Variants in ADAMTS13 observed in about 807,000 individuals in gnomAD.
ADAMTS13 encodes the protein A disintegrin and metalloproteinase with thrombospondin motifs 13.
A neutral mutation model predicts 155.1 loss-of-function variants in ADAMTS13; 110 were observed. That is an observed-to-expected ratio of 0.71 (90% CI 0.61 to 0.83). The LOEUF is 0.83. Among genes scored for constraint, ADAMTS13 ranks in the 40% least tolerant of loss-of-function variants. The pLI is 0.00. For synonymous variants in ADAMTS13, 758 were observed against 756.4 expected, an observed-to-expected ratio of 1.00 and a Z score of -0.03; for missense variants, 1,707 against 1,891.7, an observed-to-expected ratio of 0.90 and a Z score of 1.81.
Position 133,430,106 on chromosome 9 carries a change from G to A in ADAMTS13, c.987+5G>A. 1.3e-6 allele frequency: 2 copies of A among 1,576,938 alleles called. No homozygotes were observed. The highest frequency in any genetic ancestry group is 1.1e-5 in the South Asian group (1 of 87,860). On this transcript the variant is annotated splice_donor_5th_base_variant and intron_variant, in intron 8 of 28. Coordinates refer to ENST00000355699, the MANE Select transcript of ADAMTS13 (RefSeq NM_139027.6). The stretch of plus-strand genomic sequence containing the variant: ...ACCTTCGCCAGGGAGCACCTGGTGA[G>A]TCTGCCGGCGGTGGCCTGGGATTGG...
chr9:133,442,361 G>A (rs781882161), intron 16 of ADAMTS13, 38 bp from the exon 17 acceptor site: 1 of 1,613,696 alleles, frequency 6.2e-7, no homozygotes, highest in Non-Finnish European at 8.5e-7. Context: ...GACCCTCAGG[G>A]AACCCACTGG....
chr9:133,432,542 G>A (rs1554787740), intron 8 of ADAMTS13, 46 bp from the exon 9 acceptor site: 4 of 1,497,372 alleles, frequency 2.7e-6, no homozygotes, highest in South Asian at 1.2e-5. Flanking sequence ...GGCCTGGAAG[G>A]CCCTGGTGGC....
chr9:133,419,762 G>A (rs1371803162), upstream of ADAMTS13, among the ~76,000 whole-genome samples: 2 of 152,124 alleles, frequency 1.3e-5, no homozygotes, highest in South Asian at 2.1e-4. Flanking sequence ...GTTTTGAGAC[G>A]GAGTCTTGCT....
rs781937390 is a variant in ADAMTS13 at position 133,438,284 on chromosome 9, A to G, written c.1623A>G (p.Val541=). 14 of 1,614,090 alleles carry G rather than the reference A, an allele frequency of 8.7e-6. No individual in the cohort carries two copies. Among genetic ancestry groups the G allele is most frequent in the Non-Finnish European group, 1.2e-5 (14 of 1,180,004 alleles). The change falls in exon 14 of 29, where the codon GTA becomes GTG. Residue 541 remains valine, a synonymous_variant. Transcript: ENST00000355699. The part of the protein sequence containing the change: ...GCDGRMDSQQ[V]WDRCQVCGGD... ...ATGGTAGGATGGACTCCCAGCAGGT[A>G]TGGGACAGGTGCCAGGTGTGTGGTG...
At chr9:133,423,709 C>A (rs1300855978) in intron 2 of ADAMTS13, among the ~76,000 whole-genome samples, 4 of 152,238 alleles carry the variant, frequency 2.6e-5, no homozygotes, top group Non-Finnish European at 4.4e-5. Context: ...TCAGGGGCAA[C>A]AGGAGGGCAA....
rs587607449 is a variant in ADAMTS13, at chr9:133,442,255, G to C, written c.1969-144G>C. On this transcript the variant is annotated intron_variant, in intron 16 of 28. Coordinates refer to ENST00000355699, the MANE Select transcript of ADAMTS13 (RefSeq NM_139027.6). ...CAAAGTTTTGGGTTTACAGGCATGA[G>C]CTACCGTGCCTGGCCAGTGATTGCT... 8 of 1,308,940 alleles carry C rather than the reference G, an allele frequency of 6.1e-6. No homozygotes were observed. The South Asian group carries it at 9.8e-5, about 16-fold the overall frequency. The allele number at this position is 1,308,940 out of a possible 1,614,324, so 81.1% of individuals were successfully genotyped here. A position where few individuals can be genotyped will look rare whatever the true frequency, so the allele number is the denominator to read the frequency against.
chr9:133,443,038 A>T (rs1297763814), intron 18 of ADAMTS13, among the ~76,000 whole-genome samples: 3 of 152,178 alleles, frequency 2.0e-5, no homozygotes, highest in African/African-American at 7.2e-5. Context: ...TCAGGTACTC[A>T]TGGTGAGATG....
At position 133,459,280 on chromosome 9, in the gene ADAMTS13, C is replaced by A. The variant is rs1554797255; in HGVS notation, c.*100C>A. The A allele has an allele frequency of 8.3e-7, 1 of 1,202,582 alleles. No homozygotes were observed. Among genetic ancestry groups the A allele is most frequent in the Non-Finnish European group, 1.2e-6 (1 of 835,206 alleles). 74.5% of individuals were successfully genotyped at this position (1,202,582 alleles called of 1,614,324 possible). ...AACTTTTTCCAATCTTAGGTATCTA[C>A]TTTAGAGTCTTCTCCAATGTCCAAA... On this transcript the variant is annotated 3_prime_UTR_variant, in exon 29 of 29. Coordinates refer to ENST00000355699, the MANE Select transcript of ADAMTS13 (RefSeq NM_139027.6).
intron 7 of ADAMTS13, chr9:133,429,573 T>G: frequency 5.1e-6 from 1 of 194,990 alleles, no homozygotes. Context: ...TACCCCTCCG[T>G]CCACTCTCCA....
chr9:133,421,345 C>A (rs1839946864), upstream of ADAMTS13, among the ~76,000 whole-genome samples: 1 of 152,222 alleles, frequency 6.6e-6, no homozygotes, highest in Non-Finnish European at 1.5e-5. Flanking sequence ...ATCTCGATAT[C>A]TAAGCATGCC....
At chr9:133,458,676 A>G (rs1353353452) in intron 28 of ADAMTS13, among the ~76,000 whole-genome samples, 2 of 152,000 alleles carry the variant, frequency 1.3e-5, no homozygotes, top group Non-Finnish European at 2.9e-5. Flanking sequence ...TGGACAGAAT[A>G]GCACCCTGCA....
chr9:133,419,412 G>C (rs1384483902), upstream of ADAMTS13, among the ~76,000 whole-genome samples: 1 of 152,178 alleles, frequency 6.6e-6, no homozygotes, highest in Non-Finnish European at 1.5e-5. Flanking sequence ...CAGTGCTGGA[G>C]ATGTAATTTG....
rs36220241 is a variant in ADAMTS13, at chr9:133,437,088, G to A, written c.1435+133G>A. 88,019 of 1,196,010 alleles carry A rather than the reference G, an allele frequency of 0.074. 3,797 individuals carry two copies. The highest frequency in any genetic ancestry group is 0.088 in the Non-Finnish European group (76,993 of 874,752). 74.1% of individuals were successfully genotyped at this position (1,196,010 alleles called of 1,614,324 possible). On this transcript the variant is annotated intron_variant, in intron 12 of 28. Transcript: ENST00000355699. ...GTGGTTCAGGCTCTGGCATCCCACAGACCATGGATGACATAGTGGCCAGGC... is the reference window on the plus strand; with the variant it reads ...GTGGTTCAGGCTCTGGCATCCCACAAACCATGGATGACATAGTGGCCAGGC...
chr9:133,438,428 C>T lies in ADAMTS13; in HGVS notation c.1705+62C>T. 4 of 1,604,406 alleles carry T rather than the reference C, an allele frequency of 2.5e-6. No individual in the cohort carries two copies. The Middle Eastern group carries it at 7.3e-4, about 293-fold the overall frequency. Reference sequence around the variant, plus strand: ...CCCAGCCTCCAAGATGGCCACAGCCCAGAGCGTTGGTGCAGGGGCTGCTCA... The same window carrying T: ...CCCAGCCTCCAAGATGGCCACAGCCTAGAGCGTTGGTGCAGGGGCTGCTCA... On this transcript the variant is annotated intron_variant, in intron 14 of 28. Coordinates refer to ENST00000355699, the MANE Select transcript of ADAMTS13 (RefSeq NM_139027.6).
At position 133,433,383 on chromosome 9, in the gene ADAMTS13, C is replaced by A; in HGVS notation, c.1098C>A (p.Cys366Ter). ...AAGCCATCCTTGCCTTGCAGTGGTG[C>A]TCCAAGGGTCGCTGCCGCTCCCTGG... ...DGTECGVEKW[C>*]SKGRCRSLVE... The change falls in exon 10 of 29, where the codon TGC becomes TGA. Residue 366 changes from cysteine to a stop codon, truncating the protein, a stop_gained. Transcript: ENST00000355699. LOFTEE classifies it high-confidence loss of function. 1 of 1,612,762 alleles carries A rather than the reference C, an allele frequency of 6.2e-7. No homozygotes were observed. The highest frequency in any genetic ancestry group is 8.5e-7 in the Non-Finnish European group (1 of 1,179,926).
intron 8 of ADAMTS13, 142 bp downstream of exon 8, chr9:133,430,243 GCTGT>G: frequency 9.7e-7 from 1 of 1,029,816 alleles, no homozygotes; most frequent in Non-Finnish European, 1.5e-6. Context: ...TTAGTTTAAT[GCTGT>G]CTGTGCCCTC....
rs147293441 is a variant in ADAMTS13, at chr9:133,454,900, G to A, written c.3249+281G>A. 3.4e-4 allele frequency among the ~76,000 whole-genome samples: 51 copies of A among 152,226 alleles called. No homozygotes were observed. The Middle Eastern group carries it at 0.01, about 30-fold the overall frequency. ...GATGAGGGAATGCCAGCTGTGCCAC[G>A]CACCTGGCAAGGCAGGACAGACAAG... On this transcript the variant is annotated intron_variant, in intron 24 of 28. Transcript: ENST00000355699.
intron 1 of ADAMTS13, chr9:133,414,652 G>A (rs782118261): frequency 1.9e-6 from 3 of 1,611,612 alleles, no homozygotes; most frequent in South Asian, 2.2e-5. Context: ...GTGGTGAGGT[G>A]GCCCATACTT....
At chr9:133,448,403 G>A (rs1554793196) in intron 21 of ADAMTS13, among the ~76,000 whole-genome samples, 196 bp from the exon 22 acceptor site, 3 of 152,218 alleles carry the variant, frequency 2.0e-5, no homozygotes, top group Non-Finnish European at 4.4e-5. Flanking sequence ...CTGCAAGGTA[G>A]ATGCCATTAT....
Sources: allele counts gnomAD v4.1 joint callset (sites outside exome capture counted in the v4.1 genomes callset), GRCh38; gene constraint gnomAD v4.1.1; transcripts MANE v1.5; gene names NCBI Gene and HGNC (gene_info 2026-07-23, HGNC 2026-07-21).